MKLN1: variants seen among roughly 807,000 people sequenced by gnomAD.
The protein encoded by MKLN1 is muskelin.
In MKLN1, 18 loss-of-function variants were observed where a neutral mutation model predicts 99.0. The observed-to-expected ratio is 0.18, with a 90% CI of 0.13 to 0.27. MKLN1 has a LOEUF of 0.27. MKLN1 is among the 10% of genes least tolerant of loss of function. The pLI, the probability that MKLN1 is intolerant of heterozygous loss-of-function variation, is 1.00. For missense variants in MKLN1, 621 were observed against 875.9 expected, an observed-to-expected ratio of 0.71 and a Z score of 3.67; for synonymous variants, 288 against 293.2, an observed-to-expected ratio of 0.98 and a Z score of 0.18.
At chr7:131,392,980 T>C (rs1794249018) in intron 4 of MKLN1, among the ~76,000 whole-genome samples, 1 of 151,684 alleles carries the variant, frequency 6.6e-6, no homozygotes, top group Admixed American at 6.6e-5. Flanking sequence ...CAGTGCAACC[T>C]CCAGTTCCTG....
intron 16 of MKLN1, among the ~76,000 whole-genome samples, chr7:131,472,990 C>T (rs2116651782): frequency 6.6e-6 from 1 of 151,676 alleles, no homozygotes; most frequent in Admixed American, 6.6e-5. Flanking sequence ...ATGCCCTCAC[C>T]CTAAGGTTCT....
At chr7:131,206,556 A>T (rs1317237045) in intron 3 of MKLN1, among the ~76,000 whole-genome samples, 1 of 148,738 alleles carries the variant, frequency 6.7e-6, no homozygotes. Context: ...TATTATTGTT[A>T]TTATTATTAT....
At chr7:131,277,977 C>G (rs1432870925) in intron 3 of MKLN1, among the ~76,000 whole-genome samples, 1 of 152,110 alleles carries the variant, frequency 6.6e-6, no homozygotes, top group Non-Finnish European at 1.5e-5. Flanking sequence ...CTCCTTTTCT[C>G]TTCTTTTTAG....
intron 12 of MKLN1, among the ~76,000 whole-genome samples, chr7:131,447,843 T>A (rs895049422): frequency 8.5e-5 from 13 of 152,168 alleles, no homozygotes; most frequent in African/African-American, 3.1e-4. Flanking sequence ...ATGAAAACAG[T>A]TACACAACTA....
intron 2 of MKLN1, among the ~76,000 whole-genome samples, chr7:131,152,854 A>C (rs1416365029): frequency 1.3e-5 from 2 of 151,918 alleles, no homozygotes; most frequent in Non-Finnish European, 2.9e-5. Flanking sequence ...ATCTCTTTTA[A>C]TTTAAATCCC....
At chr7:131,486,785 G>C (rs962519785) in intron 17 of MKLN1, among the ~76,000 whole-genome samples, 2 of 152,118 alleles carry the variant, frequency 1.3e-5, no homozygotes, top group Non-Finnish European at 2.9e-5. Flanking sequence ...ACCAATTGAT[G>C]AAGACAGCAT....
chr7:131,283,331 T>G (rs61117465), intron 3 of MKLN1, among the ~76,000 whole-genome samples: 3 of 20,036 alleles, frequency 1.5e-4, no homozygotes, highest in Admixed American at 5.3e-4. Flanking sequence ...CCCTCCCTCC[T>G]TCCCTTCCCT....
chr7:131,456,992 G>A (rs1318510486), intron 12 of MKLN1, among the ~76,000 whole-genome samples: 1 of 152,006 alleles, frequency 6.6e-6, no homozygotes, highest in African/African-American at 2.4e-5. Flanking sequence ...TAAAACAGAT[G>A]AACGGCCAGG....
intron 3 of MKLN1, among the ~76,000 whole-genome samples, chr7:131,275,549 ATATATATATATATATATATT>A (rs1269224432): frequency 3.2e-4 from 4 of 12,518 alleles, no homozygotes; most frequent in African/African-American, 1.0e-3. Context: ...ATATATATAT[ATATATATATATATATATATT>A]TTTTTTTTTT....
chr7:131,194,515 T>C (rs1330644333), intron 2 of MKLN1, among the ~76,000 whole-genome samples: 1 of 152,212 alleles, frequency 6.6e-6, no homozygotes, highest in Non-Finnish European at 1.5e-5. Flanking sequence ...ACAAGAAAAC[T>C]AGAATTTAGC....
intron 1 of MKLN1, among the ~76,000 whole-genome samples, chr7:131,369,082 C>A (rs967163448): frequency 2.6e-5 from 4 of 151,970 alleles, no homozygotes; most frequent in African/African-American, 9.7e-5. Context: ...TTCTTTGTAT[C>A]TTGCATAGTA....
intron 1 of MKLN1, among the ~76,000 whole-genome samples, chr7:131,353,170 G>A (rs944937163): frequency 1.3e-5 from 2 of 152,086 alleles, no homozygotes; most frequent in South Asian, 2.1e-4. Context: ...GGTTAGTTTT[G>A]TAAGAAACCT....
intron 1 of MKLN1, among the ~76,000 whole-genome samples, chr7:131,345,965 T>C (rs150904957): frequency 1.3e-5 from 2 of 152,310 alleles, no homozygotes; most frequent in Non-Finnish European, 2.9e-5. Flanking sequence ...CGGAATCTCA[T>C]GATCAAAAAC....
chr7:131,200,016 G>A (rs987072294), intron 2 of MKLN1, among the ~76,000 whole-genome samples: 5 of 151,976 alleles, frequency 3.3e-5, no homozygotes, highest in Admixed American at 3.3e-4. Context: ...TTTTAAATGT[G>A]TTGCTTTTTT....
chr7:131,390,901 A>ATG (rs1287812720), intron 4 of MKLN1, among the ~76,000 whole-genome samples: 2 of 152,072 alleles, frequency 1.3e-5, no homozygotes, highest in Non-Finnish European at 2.9e-5. Context: ...TTTAGGCAAA[A>ATG]TGTTAATTGG....
chr7:131,205,385 T>C (rs1344817656), intron 3 of MKLN1, among the ~76,000 whole-genome samples: 2 of 152,248 alleles, frequency 1.3e-5, no homozygotes, highest in East Asian at 3.8e-4. Flanking sequence ...ATATTTGTTT[T>C]CCGATCGCTT....
chr7:131,294,955 C>T (rs527805910), intron 3 of MKLN1, among the ~76,000 whole-genome samples: 7 of 152,230 alleles, frequency 4.6e-5, no homozygotes, highest in South Asian at 4.1e-4. Context: ...ACCCAGAGGA[C>T]GACGGGAGGA....
chr7:131,218,979 C>T (rs533868533), intron 3 of MKLN1, among the ~76,000 whole-genome samples: 4 of 152,240 alleles, frequency 2.6e-5, no homozygotes, highest in Admixed American at 2.0e-4. Flanking sequence ...AGTGTGATTA[C>T]ACTCATGTGA....
intron 2 of MKLN1, among the ~76,000 whole-genome samples, chr7:131,199,256 T>TA (rs71769046): frequency 2.6e-3 from 384 of 145,014 alleles, no homozygotes; most frequent in South Asian, 0.025. Flanking sequence ...GAACTCACAT[T>TA]AAAAAAAAAA....
Sources: allele counts gnomAD v4.1 joint callset (sites outside exome capture counted in the v4.1 genomes callset), GRCh38; gene constraint gnomAD v4.1.1; transcripts MANE v1.5; gene names NCBI Gene and HGNC (gene_info 2026-07-23, HGNC 2026-07-21).